MLC1: variants seen among roughly 807,000 people sequenced by gnomAD.
MLC1 encodes modulator of VRAC current 1.
Under a neutral mutation model 44.7 loss-of-function variants are expected in MLC1, and 32 were observed. That is an observed-to-expected ratio of 0.72 (90% confidence interval 0.54 to 0.96). The LOEUF is 0.96. Among genes scored for constraint, MLC1 ranks in the 40% least tolerant of loss-of-function variants. MLC1 has a pLI of 0.00. For synonymous variants in MLC1, 190 were observed against 213.0 expected, an observed-to-expected ratio of 0.89 and a Z score of 0.94; for missense variants, 459 against 492.2, an observed-to-expected ratio of 0.93 and a Z score of 0.64.
At chr22:50,068,758 C>T (rs1244851307) in intron 9 of MLC1, among the ~76,000 whole-genome samples, 3 of 131,032 alleles carry the variant, frequency 2.3e-5, no homozygotes, top group Non-Finnish European at 4.7e-5. Context: ...AGACAAGTCT[C>T]GCTGTGTCGC....
Position 50,084,735 on chromosome 22 carries a change from C to T in MLC1, c.168G>A (p.Val56=), listed in dbSNP as rs2062237874. ...GTGTGGAGCTACTCACCCCCATCAGCACAGAGAAGACCCACGTCTTGTGGC... is the reference window on the plus strand; with the variant it reads ...GTGTGGAGCTACTCACCCCCATCAGTACAGAGAAGACCCACGTCTTGTGGC... ...CFSHKTWVFS[V]LMGSCLLVTS... is the part of the protein sequence containing the mutation. The change falls in exon 2 of 12, where the codon GTG becomes GTA. Residue 56 remains valine (V), a synonymous_variant. Coordinates refer to ENST00000311597, the MANE Select transcript of MLC1 (RefSeq NM_015166.4). 1 of 1,613,976 alleles carries T rather than the reference C, an allele frequency of 6.2e-7. No individual in the cohort carries two copies. Among genetic ancestry groups the T allele is most frequent in the African/African-American group, 1.3e-5 (1 of 74,946 alleles).
intron 10 of MLC1, among the ~76,000 whole-genome samples, chr22:50,065,412 T>C (rs550046664): frequency 6.6e-6 from 1 of 151,844 alleles, no homozygotes; most frequent in South Asian, 2.1e-4. Flanking sequence ...ATTAATCAAC[T>C]TAACTATTTA....
Position 50,083,206 on chromosome 22 carries a change from C to T in MLC1, c.178-33G>A, listed in dbSNP as rs747250973. The T allele has an allele frequency of 1.9e-6, 3 of 1,584,472 alleles. No homozygotes were observed. The highest frequency in any genetic ancestry group is 1.7e-6 in the Non-Finnish European group (2 of 1,153,406). On this transcript the variant is annotated intron_variant, in intron 2 of 11. Transcript: ENST00000311597. The surrounding 1 kb of genome is among the most constrained non-coding windows in gnomAD (Gnocchi z 4.6). ...ACAGCGACAGAATCCCAGGTTACAA[C>T]GCGCCCCGTCCCCAGGCTGGACCCT...
chr22:50,083,281 TC>T lies in MLC1; in HGVS notation c.178-109del. The stretch of plus-strand genomic sequence containing the variant: ...TCTGTGTATTGGTGACTCACCCACG[TC>T]CCCCAGCATCAACCACACCCGCACC... On this transcript the variant is annotated intron_variant, in intron 2 of 11. Coordinates refer to ENST00000311597, the MANE Select transcript of MLC1 (RefSeq NM_015166.4). The surrounding 1 kb of genome is among the most constrained non-coding windows in gnomAD (Gnocchi z 4.6). The T allele has an allele frequency of 3.0e-6, 3 of 984,958 alleles. No individual in the cohort carries two copies. Among genetic ancestry groups the T allele is most frequent in the Non-Finnish European group, 3.2e-6 (2 of 634,118 alleles). 61.0% of individuals were successfully genotyped at this position (984,958 alleles called of 1,614,324 possible).
chr22:50,071,893 A>ATCAGCCT (rs1302607297), intron 8 of MLC1, among the ~76,000 whole-genome samples: 1 of 152,140 alleles, frequency 6.6e-6, no homozygotes, highest in Non-Finnish European at 1.5e-5. Flanking sequence ...TGCATCAGCC[A>ATCAGCCT]GGGGCTGTGG....
intron 4 of MLC1, 29 bp from the exon 5 acceptor site, chr22:50,080,048 T>C: frequency 6.5e-7 from 1 of 1,528,404 alleles, no homozygotes. Flanking sequence ...GGGGTTTTCC[T>C]TCTTTGAATA....
At position 50,082,379 on chromosome 22, in the gene MLC1, G is replaced by C. The variant is rs369764626; in HGVS notation, c.267+705C>G. 8.5e-5 allele frequency among the ~76,000 whole-genome samples: 13 copies of C among 152,250 alleles called. No homozygotes were observed. The East Asian group carries it at 1.5e-3, about 18-fold the overall frequency. On this transcript the variant is annotated intron_variant, in intron 3 of 11. Coordinates refer to ENST00000311597, the MANE Select transcript of MLC1 (RefSeq NM_015166.4). ...GAGGACCAGGGGACAGCGGTTGTCT[G>C]TCCTCCCTTGCTCTGAGGATCAGTG...
chr22:50,076,968 C>A, intron 6 of MLC1, 56 bp from the exon 7 acceptor site: 2 of 1,593,750 alleles, frequency 1.3e-6, no homozygotes, highest in Non-Finnish European at 1.7e-6. Context: ...CTCAGCACTG[C>A]CGCTGGCATC....
chr22:50,065,410 A>G (rs1486899992), intron 10 of MLC1, among the ~76,000 whole-genome samples: 1 of 152,122 alleles, frequency 6.6e-6, no homozygotes, highest in Non-Finnish European at 1.5e-5. Flanking sequence ...ATATTAATCA[A>G]CTTAACTATT....
intron 7 of MLC1, among the ~76,000 whole-genome samples, chr22:50,075,928 G>A (rs1319777664): frequency 2.6e-5 from 4 of 151,994 alleles, no homozygotes; most frequent in Non-Finnish European, 5.9e-5. Flanking sequence ...GACCCCGCAT[G>A]GTCTGTTTAT....
intron 7 of MLC1, among the ~76,000 whole-genome samples, chr22:50,075,240 G>A (rs2061951030): frequency 6.6e-6 from 1 of 150,636 alleles, no homozygotes; most frequent in Non-Finnish European, 1.5e-5. Flanking sequence ...GGCTGGGGAA[G>A]AAACACACGC....
chr22:50,064,061 G>C lies in MLC1; in HGVS notation c.1032C>G (p.Asn344Lys). 1 of 1,587,210 alleles carries C rather than the reference G, an allele frequency of 6.3e-7. No homozygotes were observed. Among genetic ancestry groups the C allele is most frequent in the Non-Finnish European group, 8.6e-7 (1 of 1,169,450 alleles). The part of the protein sequence containing the change: ...RLQGASWDTQ[N>K]GPQERLAGEV... ...CCCCAGCCAGGCGCTCCTGCGGGCCGTTCTGGGTGTCCCAGGATGCACCCT... is the reference window on the plus strand; with the variant it reads ...CCCCAGCCAGGCGCTCCTGCGGGCCCTTCTGGGTGTCCCAGGATGCACCCT... The change falls in exon 11 of 12, where the codon AAC becomes AAG. Residue 344 changes from asparagine to lysine, a missense_variant. By Grantham distance (94) the Asn-to-Lys change is moderately conservative (BLOSUM62 0). Transcript: ENST00000311597.
intron 10 of MLC1, among the ~76,000 whole-genome samples, chr22:50,067,851 AG>A (rs1287742119): frequency 2.0e-5 from 3 of 148,270 alleles, no homozygotes; most frequent in African/African-American, 7.5e-5. Flanking sequence ...TCCCCCCATC[AG>A]GCAGTGACTC....
chr22:50,080,208 T>TG, intron 4 of MLC1, 136 bp downstream of exon 4: 4 of 1,229,874 alleles, frequency 3.3e-6, no homozygotes, highest in South Asian at 1.3e-5. Flanking sequence ...CTTTACTGTC[T>TG]GGGGGGCAAC....
At position 50,069,597 on chromosome 22, in the gene MLC1, G is replaced by A. The variant is rs558080404; in HGVS notation, c.771+930C>T. 2.0e-4 allele frequency among the ~76,000 whole-genome samples: 31 copies of A among 152,148 alleles called. No individual in the cohort carries two copies. In the East Asian group the frequency reaches 6.1e-3, roughly 30 times the overall value. On this transcript the variant is annotated intron_variant, in intron 9 of 11. Coordinates refer to ENST00000311597, the MANE Select transcript of MLC1 (RefSeq NM_015166.4). ...GGAGGCAGAGGTTACAATGAGCTGA[G>A]ATCGTACCACTGCACTCCAGCCTGG...
chr22:50,076,375 C>T (rs751029661), intron 7 of MLC1, among the ~76,000 whole-genome samples: 10 of 152,038 alleles, frequency 6.6e-5, no homozygotes, highest in East Asian at 1.9e-4. Context: ...GCCAACATGC[C>T]GAAACCCTGC....
intron 3 of MLC1, 116 bp from the exon 4 acceptor site, chr22:50,080,513 G>C: frequency 8.8e-7 from 1 of 1,140,462 alleles, no homozygotes; most frequent in Non-Finnish European, 1.3e-6. Context: ...AAACAGTGTT[G>C]CCAGTCCATG....
At chr22:50,066,297 A>G (rs966876220) in intron 10 of MLC1, among the ~76,000 whole-genome samples, 2 of 152,134 alleles carry the variant, frequency 1.3e-5, no homozygotes, top group Non-Finnish European at 2.9e-5. Flanking sequence ...CCAGGAGCTC[A>G]TGACCAGCCC....
At chr22:50,082,363 G>A (rs1373052994) in intron 3 of MLC1, among the ~76,000 whole-genome samples, 2 of 152,234 alleles carry the variant, frequency 1.3e-5, no homozygotes. Context: ...AGAGGACCAG[G>A]GGACAGCGGT....
Sources: gnomAD v4.1 joint callset for allele counts (sites outside exome capture counted in the v4.1 genomes callset) on GRCh38, gnomAD v4.1.1 for gene constraint, Gnocchi (gnomAD v3.1) non-coding constraint, MANE v1.5 for transcripts, NCBI Gene and HGNC (gene_info 2026-07-23, HGNC 2026-07-21) for gene names.